Variants in NRG3 observed in about 807,000 individuals in gnomAD.
The protein encoded by NRG3 is pro-neuregulin-3, membrane-bound isoform.
NRG3 carries 31 observed loss-of-function variants against 66.9 expected under a neutral mutation model. That is an observed-to-expected ratio of 0.46 (90% CI 0.35 to 0.63). The LOEUF is 0.63. Among genes scored for constraint, NRG3 ranks in the 20% least tolerant of loss-of-function variants. NRG3 has a pLI of 0.00. For synonymous variants in NRG3, 393 were observed against 359.4 expected, an observed-to-expected ratio of 1.09 and a Z score of -1.06; for missense variants, 910 against 878.9, an observed-to-expected ratio of 1.04 and a Z score of -0.45.
intron 1 of NRG3, among the ~76,000 whole-genome samples, chr10:82,345,873 G>T (rs1252089374): frequency 1.3e-5 from 2 of 151,256 alleles, no homozygotes; most frequent in African/African-American, 2.4e-5. Flanking sequence ...TTTATCTGTT[G>T]TTGGTGTATA....
At chr10:82,535,017 T>G (rs1847673171) in intron 2 of NRG3, among the ~76,000 whole-genome samples, 1 of 151,020 alleles carries the variant, frequency 6.6e-6, no homozygotes, top group Non-Finnish European at 1.5e-5. Context: ...GCACCAGGCA[T>G]GGTGGTGCGC....
chr10:82,428,118 C>A (rs1417939919), intron 2 of NRG3, among the ~76,000 whole-genome samples: 1 of 151,690 alleles, frequency 6.6e-6, no homozygotes, highest in Non-Finnish European at 1.5e-5. Context: ...AAAAATTTTT[C>A]AATTTGGTCG....
At chr10:82,654,199 A>G (rs1297918753) in intron 2 of NRG3, among the ~76,000 whole-genome samples, 1 of 152,192 alleles carries the variant, frequency 6.6e-6, no homozygotes, top group Non-Finnish European at 1.5e-5. Flanking sequence ...TGAAGGAGCT[A>G]TGTTGAATGA....
At chr10:82,084,551 C>A (rs760825938) in intron 1 of NRG3, among the ~76,000 whole-genome samples, 2 of 140,814 alleles carry the variant, frequency 1.4e-5, no homozygotes, top group Non-Finnish European at 3.1e-5. Flanking sequence ...AATCAGGTTT[C>A]TGTCTTTATC....
chr10:82,350,879 T>A (rs1340935346), intron 1 of NRG3, among the ~76,000 whole-genome samples: 1 of 146,792 alleles, frequency 6.8e-6, no homozygotes, highest in Non-Finnish European at 1.5e-5. Context: ...GCTATTGAGG[T>A]GGTTGTGTTA....
intron 4 of NRG3, among the ~76,000 whole-genome samples, chr10:82,872,863 A>G (rs893656448): frequency 6.6e-6 from 1 of 152,150 alleles, no homozygotes; most frequent in African/African-American, 2.4e-5. Flanking sequence ...GCAAATCTAT[A>G]CCGGCCCCAT....
intron 3 of NRG3, among the ~76,000 whole-genome samples, chr10:82,851,658 G>A (rs1379365711): frequency 6.6e-6 from 1 of 152,100 alleles, no homozygotes; most frequent in Non-Finnish European, 1.5e-5. Context: ...GGCAATGGAA[G>A]AAGACATACA....
intron 1 of NRG3, among the ~76,000 whole-genome samples, chr10:82,193,804 A>C (rs530253490): frequency 6.6e-6 from 1 of 152,308 alleles, no homozygotes; most frequent in South Asian, 2.1e-4. Context: ...CATCCAGGTA[A>C]ACTATTGGAT....
intron 2 of NRG3, among the ~76,000 whole-genome samples, chr10:82,717,045 G>A (rs1019055914): frequency 5.3e-5 from 8 of 151,978 alleles, no homozygotes; most frequent in Middle Eastern, 3.2e-3. Context: ...TTCTTTTATT[G>A]GTTAATGTGA....
chr10:82,724,008 T>TAAAAAAAAAAAA lies in NRG3; in HGVS notation c.954-14563_954-14562insAAAAAAAAAAAA, dbSNP rs1565242500. 4.9e-5 allele frequency among the ~76,000 whole-genome samples: 7 copies of TAAAAAAAAAAAA among 144,074 alleles called. 1 individual carries two copies. The highest frequency in any genetic ancestry group is 1.9e-4 in the African/African-American group (7 of 37,298). The allele number at this position is 144,074 out of a possible 152,430, so 94.5% of individuals were successfully genotyped here. On this transcript the variant is annotated intron_variant, in intron 2 of 8. Transcript: ENST00000372141. Reference sequence around the variant, plus strand: ...AAAAAGTAAATAAATAAAAAAAATTTAAAAAATAAAAGCATAAATGAATGA... The same window carrying TAAAAAAAAAAAA: ...AAAAAGTAAATAAATAAAAAAAATTTAAAAAAAAAAAAAAAAAATAAAAGCATAAATGAATGA...
At chr10:82,594,146 C>A (rs1383712763) in intron 2 of NRG3, among the ~76,000 whole-genome samples, 3 of 152,002 alleles carry the variant, frequency 2.0e-5, no homozygotes, top group Admixed American at 6.6e-5. Flanking sequence ...TGATGGATTG[C>A]TAGAATAATG....
At chr10:82,415,087 A>G (rs2088441883) in intron 2 of NRG3, among the ~76,000 whole-genome samples, 1 of 152,200 alleles carries the variant, frequency 6.6e-6, no homozygotes, top group South Asian at 2.1e-4. Context: ...AGCCAAATTG[A>G]CATTAAAATT....
At chr10:82,262,409 A>G (rs971208576) in intron 1 of NRG3, among the ~76,000 whole-genome samples, 1 of 152,200 alleles carries the variant, frequency 6.6e-6, no homozygotes, top group African/African-American at 2.4e-5. Flanking sequence ...GACATTTTGT[A>G]TCTAGAGAGA....
At chr10:82,274,538 A>G (rs1287056321) in intron 1 of NRG3, among the ~76,000 whole-genome samples, 1 of 152,044 alleles carries the variant, frequency 6.6e-6, no homozygotes, top group Non-Finnish European at 1.5e-5. Context: ...GAACAATAAT[A>G]TGAATATGAT....
intron 1 of NRG3, among the ~76,000 whole-genome samples, chr10:81,959,762 T>C (rs1850180259): frequency 6.6e-6 from 1 of 152,182 alleles, no homozygotes; most frequent in African/African-American, 2.4e-5. Flanking sequence ...CCCAATACTA[T>C]GAATAGTTTC....
At chr10:82,925,023 T>A (rs917001442) in intron 4 of NRG3, among the ~76,000 whole-genome samples, 4 of 152,128 alleles carry the variant, frequency 2.6e-5, no homozygotes, top group Admixed American at 6.5e-5. Flanking sequence ...AAACTTTGTA[T>A]CCATCATATT....
In NRG3 at chr10:82,188,334, A is replaced by G. The variant is rs918392907; in HGVS notation, c.824-170405A>G. Among the ~76,000 whole-genome samples the G allele has an allele frequency of 8.9e-4, 135 of 152,294 alleles. 1 individual carries two copies. The highest frequency in any genetic ancestry group is 3.2e-3 in the African/African-American group (131 of 41,580). Reference sequence around the variant, plus strand: ...AAAATGGATTAAAAAGTTAAACCTAAGACCTCAAACTATGAAAGTACTACA... The same window carrying G: ...AAAATGGATTAAAAAGTTAAACCTAGGACCTCAAACTATGAAAGTACTACA... On this transcript the variant is annotated intron_variant, in intron 1 of 8. Transcript: ENST00000372141.
At chr10:82,678,705 G>A (rs559224581) in intron 2 of NRG3, among the ~76,000 whole-genome samples, 1 of 152,100 alleles carries the variant, frequency 6.6e-6, no homozygotes, top group African/African-American at 2.4e-5. Context: ...CTTTCCTCAC[G>A]CCTGCCTGAC....
At chr10:82,344,933 G>T (rs2082910247) in intron 1 of NRG3, among the ~76,000 whole-genome samples, 1 of 114,316 alleles carries the variant, frequency 8.7e-6, no homozygotes, top group Non-Finnish European at 1.6e-5. Context: ...TTGTAAATTT[G>T]TTTGAGTTCA....
Sources: gnomAD v4.1 joint callset for allele counts (sites outside exome capture counted in the v4.1 genomes callset) on GRCh38, gnomAD v4.1.1 for gene constraint, MANE v1.5 for transcripts, NCBI Gene and HGNC (gene_info 2026-07-23, HGNC 2026-07-21) for gene names.